PKP1: variants seen among roughly 807,000 people sequenced by gnomAD.
PKP1 encodes the protein plakophilin 1, also known as plakophilin-1.
A neutral mutation model predicts 76.4 loss-of-function variants in PKP1; 27 were observed. The observed-to-expected ratio is 0.35, with a 90% CI of 0.26 to 0.49. The LOEUF is 0.49. PKP1 is among the 20% of genes least tolerant of loss of function. The pLI is 0.99. For missense variants in PKP1, 964 were observed against 955.2 expected, an observed-to-expected ratio of 1.01 and a Z score of -0.12; for synonymous variants, 404 against 384.2, an observed-to-expected ratio of 1.05 and a Z score of -0.60.
chr1:201,324,413 C>T lies in PKP1; in HGVS notation c.1681-15C>T. 1.2e-6 allele frequency: 2 copies of T among 1,613,960 alleles called. No homozygotes were observed. The highest frequency in any genetic ancestry group is 1.7e-6 in the Non-Finnish European group (2 of 1,179,862). ...AAGCCACAGGCTAGCTCATCATCTACTCCTTCTCTCTTAGATGTCCAGTGG... is the reference window on the plus strand; with the variant it reads ...AAGCCACAGGCTAGCTCATCATCTATTCCTTCTCTCTTAGATGTCCAGTGG... On this transcript the variant is annotated splice_polypyrimidine_tract_variant and intron_variant, in intron 9 of 13. Transcript: ENST00000367324.
Position 201,326,033 on chromosome 1 carries a change from C to T in PKP1, c.2106+195C>T, listed in dbSNP as rs191222083. 3.2e-3 allele frequency among the ~76,000 whole-genome samples: 491 copies of T among 152,126 alleles called. 4 individuals are homozygous for T. Among genetic ancestry groups the T allele is most frequent in the African/African-American group, 0.011 (463 of 41,486 alleles). ...TCAAGTCTCTGGGCTCTGAGATCTG[C>T]GAGGGATGCTGAGAACATGGAGGGC... On this transcript the variant is annotated intron_variant, in intron 12 of 13. Coordinates refer to ENST00000367324, the MANE Select transcript of PKP1 (RefSeq NM_001005337.3).
Position 201,323,045 on chromosome 1 carries a change from A to G in PKP1, c.1536A>G (p.Glu512=). 1 of 1,613,794 alleles carries G rather than the reference A, an allele frequency of 6.2e-7. No homozygotes were observed. ...NNNYDCPLPE[E]ETNPKGSGWL... ...ACTATGACTGCCCCCTGCCTGAGGAAGAGACCAACCCCAAGGGCAGCGGCT... is the reference window on the plus strand; with the variant it reads ...ACTATGACTGCCCCCTGCCTGAGGAGGAGACCAACCCCAAGGGCAGCGGCT... The change falls in exon 9 of 14, where the codon GAA becomes GAG. Residue 512 remains glutamate, a synonymous_variant. Transcript: ENST00000367324.
intron 2 of PKP1, among the ~76,000 whole-genome samples, chr1:201,299,953 C>T (rs1304636514): frequency 6.6e-6 from 1 of 152,244 alleles, no homozygotes; most frequent in East Asian, 1.9e-4. Context: ...AGGTGAGGGA[C>T]TGATAGTAGA....
intron 10 of PKP1, 118 bp downstream of exon 10, chr1:201,324,699 A>G (rs529737785): frequency 1.5e-6 from 2 of 1,332,780 alleles, no homozygotes; most frequent in South Asian, 1.2e-5. Context: ...CAAGAAAGGA[A>G]GCTGGCCAAA....
chr1:201,309,171 C>T (rs1198448979), intron 2 of PKP1, among the ~76,000 whole-genome samples: 1 of 151,962 alleles, frequency 6.6e-6, no homozygotes, highest in Non-Finnish European at 1.5e-5. Context: ...CTGAGACTGT[C>T]TCCTTGCCTA....
intron 2 of PKP1, among the ~76,000 whole-genome samples, chr1:201,310,581 T>A (rs1285755596): frequency 6.6e-6 from 1 of 152,210 alleles, no homozygotes; most frequent in African/African-American, 2.4e-5. Context: ...TTCACCTCCT[T>A]GTGCCTTGGA....
At chr1:201,316,109 T>TGGACGGACGGATGGACGGACGGAC (rs1333033613) in intron 3 of PKP1, 12 of 114,312 alleles carry the variant, frequency 1.0e-4, no homozygotes, top group South Asian at 2.1e-4. Context: ...GATGGACAGA[T>TGGACGGACGGATGGACGGACGGAC]GGATGGACGG....
Position 201,313,551 on chromosome 1 carries a change from C to G in PKP1, c.692C>G (p.Ala231Gly). The G allele has an allele frequency of 6.2e-7, 1 of 1,612,750 alleles. No individual in the cohort carries two copies. Among genetic ancestry groups the G allele is most frequent in the Non-Finnish European group, 8.5e-7 (1 of 1,179,074 alleles). ...NKDLSFGHSR[A>G]SSKICSEDIE... ...GACCTGTCCTTTGGCCACTCTAGGG[C>G]CAGCTCCAAGTGAGTGCTGCTGGGC... Residue 231 changes from alanine (A) to glycine (G), a missense_variant, in exon 3 of 14, where the codon GCC (alanine) becomes GGC (glycine). Physicochemically the swap from Ala to Gly is moderately conservative, Grantham distance 60 (BLOSUM62 0). Transcript: ENST00000367324.
At chr1:201,319,387 G>T (rs1794870) in intron 6 of PKP1, among the ~76,000 whole-genome samples, 19,771 of 152,212 alleles carry the variant, frequency 0.13, 1,628 homozygotes, top group East Asian at 0.19. Flanking sequence ...GAACCCTGGA[G>T]CAGGATCCCT....
intron 1 of PKP1, among the ~76,000 whole-genome samples, chr1:201,292,280 A>G (rs1288526878): frequency 2.0e-5 from 3 of 152,182 alleles, no homozygotes; most frequent in Admixed American, 6.5e-5. Context: ...GTGGAACTGT[A>G]CGGGGCCTAT....
At chr1:201,313,596 G>A in intron 3 of PKP1, 36 bp downstream of exon 3, 3 of 1,597,730 alleles carry the variant, frequency 1.9e-6, no homozygotes, top group Non-Finnish European at 2.6e-6. Flanking sequence ...GAGCCAGGAG[G>A]GCCAGTGGGG....
At chr1:201,329,759 G>C (rs973739130) in intron 13 of PKP1, among the ~76,000 whole-genome samples, 1 of 152,212 alleles carries the variant, frequency 6.6e-6, no homozygotes, top group Non-Finnish European at 1.5e-5. Context: ...TCCTCTCCTA[G>C]TAAACAAGCT....
At chr1:201,289,805 C>T (rs1421130774) in intron 1 of PKP1, among the ~76,000 whole-genome samples, 1 of 152,102 alleles carries the variant, frequency 6.6e-6, no homozygotes, top group Non-Finnish European at 1.5e-5. Flanking sequence ...CATGGTTATG[C>T]TGGCAAGTTT....
At chr1:201,288,757 T>A (rs1655812398) in intron 1 of PKP1, among the ~76,000 whole-genome samples, 1 of 149,458 alleles carries the variant, frequency 6.7e-6, no homozygotes, top group African/African-American at 2.4e-5. Context: ...CTCACGCCCA[T>A]CCTGTCCCCA....
chr1:201,324,644 C>A, intron 10 of PKP1, 63 bp downstream of exon 10: 2 of 1,574,652 alleles, frequency 1.3e-6, no homozygotes, highest in Non-Finnish European at 1.7e-6. Context: ...CAATTCAAGC[C>A]TGCTTGAAGG....
chr1:201,298,346 C>A (rs535815943), intron 2 of PKP1, among the ~76,000 whole-genome samples: 211 of 152,286 alleles, frequency 1.4e-3, no homozygotes, highest in African/African-American at 4.8e-3. Flanking sequence ...GAAGCTGAGG[C>A]GTGTGGACAA....
intron 4 of PKP1, among the ~76,000 whole-genome samples, 176 bp from the exon 5 acceptor site, chr1:201,317,396 C>T (rs1656784357): frequency 6.6e-6 from 1 of 152,080 alleles, no homozygotes; most frequent in African/African-American, 2.4e-5. Context: ...AGGTCTTTTG[C>T]CTCCGGGTCT....
In PKP1 at chr1:201,328,613, G is replaced by A; in HGVS notation, c.2107-149G>A. On this transcript the variant is annotated intron_variant, in intron 12 of 13. Coordinates refer to ENST00000367324, the MANE Select transcript of PKP1 (RefSeq NM_001005337.3). ...TTATGTTTTGTTACACAGTTACTGA[G>A]GCCAGTTTTCGCCCTGACACATGTA... 6.8e-6 allele frequency: 5 copies of A among 735,026 alleles called. No homozygotes were observed. The East Asian group carries it at 1.3e-4, about 19-fold the overall frequency. The allele number at this position is 735,026 out of a possible 1,614,324, so 45.5% of individuals were successfully genotyped here.
chr1:201,313,588 G>A (rs751523590), intron 3 of PKP1, 28 bp downstream of exon 3: 12 of 1,600,986 alleles, frequency 7.5e-6, no homozygotes, highest in Non-Finnish European at 1.0e-5. Flanking sequence ...GGGTTGGGGA[G>A]CCAGGAGGGC....
Sources: allele counts gnomAD v4.1 joint callset (sites outside exome capture counted in the v4.1 genomes callset), GRCh38; gene constraint gnomAD v4.1.1; transcripts MANE v1.5; gene names NCBI Gene and HGNC (gene_info 2026-07-23, HGNC 2026-07-21).